SLC13A1: variants seen among roughly 807,000 people sequenced by gnomAD.
SLC13A1 encodes the protein solute carrier family 13 member 1.
A neutral mutation model predicts 70.0 loss-of-function variants in SLC13A1; 65 were observed. The ratio of observed to expected loss-of-function variants is 0.93; its 90% CI spans 0.76 to 1.14. The LOEUF (loss-of-function observed/expected upper bound fraction) is 1.14. Among genes scored for constraint, SLC13A1 ranks in the 50% most tolerant of loss-of-function variants. The probability of loss-of-function intolerance (pLI) is 0.00; values close to 1 mark genes in which losing one functional copy is unlikely to be tolerated. For synonymous variants in SLC13A1, 275 were observed against 250.5 expected (o/e 1.10, Z -0.92); for missense variants, 726 against 717.8 (o/e 1.01, Z -0.13).
At chr7:123,134,607 G>T (rs997587334) in intron 7 of SLC13A1, 78 bp from the exon 8 acceptor site, 30 of 1,374,036 alleles carry the variant, frequency 2.2e-5, no homozygotes, top group Admixed American at 3.9e-5. Flanking sequence ...GGAAGCAGCA[G>T]TCCACCTCTT....
intron 7 of SLC13A1, among the ~76,000 whole-genome samples, chr7:123,140,711 T>C (rs559909958): frequency 1.3e-5 from 2 of 152,250 alleles, no homozygotes; most frequent in Admixed American, 1.3e-4. Context: ...TTTATTGGCA[T>C]ATAGCTGCTC....
At chr7:123,148,424 C>A (rs970243821) in intron 6 of SLC13A1, 1 of 447,436 alleles carries the variant, frequency 2.2e-6, no homozygotes, top group Non-Finnish European at 4.5e-6. Flanking sequence ...ATGGCACATC[C>A]TGAAATGGTT....
At chr7:123,170,957 T>C (rs1795251553) in intron 3 of SLC13A1, among the ~76,000 whole-genome samples, 1 of 68,120 alleles carries the variant, frequency 1.5e-5, no homozygotes, top group African/African-American at 3.8e-5. Context: ...GTCTGAGTCA[T>C]TTTTTTTTTG....
intron 6 of SLC13A1, among the ~76,000 whole-genome samples, chr7:123,161,158 T>A (rs1187857879): frequency 6.6e-6 from 1 of 151,352 alleles, no homozygotes; most frequent in African/African-American, 2.4e-5. Context: ...AGACATAGTT[T>A]GGAAAGATTA....
At chr7:123,178,628 T>C (rs548848417) in intron 2 of SLC13A1, among the ~76,000 whole-genome samples, 1 of 152,242 alleles carries the variant, frequency 6.6e-6, no homozygotes, top group African/African-American at 2.4e-5. Context: ...TCAGGTCTTA[T>C]GACTAAATCT....
chr7:123,164,464 AAAT>A (rs1795008718), intron 6 of SLC13A1, among the ~76,000 whole-genome samples: 1 of 151,950 alleles, frequency 6.6e-6, no homozygotes, highest in Non-Finnish European at 1.5e-5. Context: ...GTTTTGTACT[AAAT>A]AAATGGTGCT....
intron 7 of SLC13A1, among the ~76,000 whole-genome samples, chr7:123,141,907 G>C (rs1377391189): frequency 3.3e-5 from 5 of 152,048 alleles, no homozygotes; most frequent in Non-Finnish European, 7.4e-5. Context: ...GGATTGGAGA[G>C]TTTAGTCCAC....
In SLC13A1 at chr7:123,114,041, G is replaced by A. The variant is rs1300914126; in HGVS notation, c.*1477C>T. The A allele has an allele frequency of 1.6e-5, 2 of 121,250 alleles. No homozygotes were observed. The highest frequency in any genetic ancestry group is 3.2e-5 in the Non-Finnish European group (2 of 63,244). The allele number at this position is 121,250 out of a possible 1,614,324, so 7.5% of individuals were successfully genotyped here. A position where few individuals can be genotyped will look rare whatever the true frequency, so the allele number is the denominator to read the frequency against. On this transcript the variant is annotated 3_prime_UTR_variant, in exon 15 of 15. Coordinates refer to ENST00000194130, the MANE Select transcript of SLC13A1 (RefSeq NM_022444.4). Reference sequence around the variant, plus strand: ...GGAGCTTGCAGTGAGCCGAGATCCCGCCACTGCACTCCAGCCTGGGCGACA... The same window carrying A: ...GGAGCTTGCAGTGAGCCGAGATCCCACCACTGCACTCCAGCCTGGGCGACA...
At chr7:123,167,319 T>C (rs1389433747) in intron 6 of SLC13A1, among the ~76,000 whole-genome samples, 1 of 152,236 alleles carries the variant, frequency 6.6e-6, no homozygotes, top group African/African-American at 2.4e-5. Flanking sequence ...CTAAAGATAA[T>C]ATCTTCATAA....
intron 10 of SLC13A1, among the ~76,000 whole-genome samples, chr7:123,127,509 C>A (rs565393434): frequency 6.6e-6 from 1 of 152,042 alleles, no homozygotes; most frequent in Non-Finnish European, 1.5e-5. Context: ...TTATGTTGAT[C>A]TAGATCCTAC....
chr7:123,177,050 A>T (rs73429532), intron 2 of SLC13A1, among the ~76,000 whole-genome samples: 12 of 152,160 alleles, frequency 7.9e-5, no homozygotes, highest in African/African-American at 2.9e-4. Flanking sequence ...CCTACTCAAC[A>T]TCTTCACTTA....
Position 123,128,897 on chromosome 7 carries a change from A to G in SLC13A1, c.1081T>C (p.Trp361Arg), listed in dbSNP as rs1207528177. 1 of 1,613,552 alleles carries G rather than the reference A, an allele frequency of 6.2e-7. No individual in the cohort carries two copies. The highest frequency in any genetic ancestry group is 2.2e-5 in the East Asian group (1 of 44,832). Residue 361 changes from tryptophan (W) to arginine (R), a missense_variant, in exon 10 of 15, where the codon TGG becomes CGG. Transcript: ENST00000194130. The stretch of plus-strand genomic sequence containing the variant: ...ACAAATCCGGGGTCTCGACTAAACC[A>G]TAGCAGAGCCATTATAATGAAGAGG... The part of the protein sequence containing the change: ...LVLFIIMALL[W>R]FSRDPGFVPG...
chr7:123,157,413 A>G (rs966494534), intron 6 of SLC13A1, among the ~76,000 whole-genome samples: 1 of 152,140 alleles, frequency 6.6e-6, no homozygotes, highest in African/African-American at 2.4e-5. Flanking sequence ...AGAGATGTTT[A>G]AAATGTAGCA....
chr7:123,174,077 A>C (rs1368903608), intron 2 of SLC13A1, among the ~76,000 whole-genome samples: 2 of 150,276 alleles, frequency 1.3e-5, no homozygotes, highest in Admixed American at 6.7e-5. Context: ...CTGGTATTCC[A>C]CAGGGTTCTG....
At chr7:123,163,537 A>G (rs1585357977) in intron 6 of SLC13A1, among the ~76,000 whole-genome samples, 1 of 152,064 alleles carries the variant, frequency 6.6e-6, no homozygotes, top group Non-Finnish European at 1.5e-5. Context: ...ACTAACATCT[A>G]GTCTTTATCA....
intron 14 of SLC13A1, 79 bp downstream of exon 14, chr7:123,117,392 T>C: frequency 3.5e-6 from 5 of 1,420,662 alleles, no homozygotes; most frequent in Non-Finnish European, 4.9e-6. Context: ...GATTGGTGTA[T>C]AAAAGGGAAG....
At chr7:123,128,815 G>T (rs763050704) in intron 10 of SLC13A1, 30 bp downstream of exon 10, 3 of 1,435,500 alleles carry the variant, frequency 2.1e-6, no homozygotes, top group East Asian at 2.3e-5. Context: ...AAAACAGGAA[G>T]GGCTGACAAA....
At chr7:123,166,557 A>G (rs1795084035) in intron 6 of SLC13A1, among the ~76,000 whole-genome samples, 1 of 151,936 alleles carries the variant, frequency 6.6e-6, no homozygotes, top group Non-Finnish European at 1.5e-5. Flanking sequence ...CCCCCACCAC[A>G]CAACAGGCCC....
intron 6 of SLC13A1, among the ~76,000 whole-genome samples, chr7:123,147,723 T>G (rs955517697): frequency 6.6e-6 from 1 of 152,204 alleles, no homozygotes; most frequent in Admixed American, 6.5e-5. Flanking sequence ...TATGGTGATA[T>G]GAGCTGACTA....
Sources: allele counts gnomAD v4.1 joint callset (sites outside exome capture counted in the v4.1 genomes callset), GRCh38; gene constraint gnomAD v4.1.1; transcripts MANE v1.5; gene names NCBI Gene and HGNC (gene_info 2026-07-23, HGNC 2026-07-21).